DHX32: variants seen among roughly 807,000 people sequenced by gnomAD.
DHX32 encodes putative pre-mRNA-splicing factor ATP-dependent RNA helicase DHX32.
Under a neutral mutation model 70.0 loss-of-function variants are expected in DHX32, and 51 were observed. The ratio of observed to expected loss-of-function variants is 0.73; its 90% confidence interval spans 0.58 to 0.92. The LOEUF (loss-of-function observed/expected upper bound fraction) is 0.92, where lower values mean the gene tolerates loss of function less well. Among genes scored for constraint, DHX32 ranks in the 40% least tolerant of loss-of-function variants. The probability of loss-of-function intolerance (pLI) is 0.00; values close to 1 mark genes in which losing one functional copy is unlikely to be tolerated. For synonymous variants in DHX32, 310 were observed against 315.3 expected (o/e 0.98, Z 0.18); for missense variants, 762 against 891.8 (o/e 0.85, Z 1.85).
rs1854788686 is a variant in DHX32 at position 125,839,040 on chromosome 10, T to C, written c.1842A>G (p.Leu614=). The change falls in exon 9 of 11, where the codon CTA becomes CTG. Residue 614 remains leucine (L), a synonymous_variant. Transcript: ENST00000284690. Reference sequence around the variant, plus strand: ...CGGACAGAAGAGCTTTCTTTATGTTTAGAGTGTTTTCCTTGGAGCCAAAAG... The same window carrying C: ...CGGACAGAAGAGCTTTCTTTATGTTCAGAGTGTTTTCCTTGGAGCCAAAAG... The part of the protein sequence containing the change: ...EPAFGSKENT[L]NIKKALLSGY... 6.2e-7 allele frequency: 1 copy of C among 1,614,060 alleles called. No individual in the cohort carries two copies. The highest frequency in any genetic ancestry group is 8.5e-7 in the Non-Finnish European group (1 of 1,180,026).
chr10:125,895,053 T>A (rs1944434993), intron 1 of DHX32, among the ~76,000 whole-genome samples: 1 of 152,304 alleles, frequency 6.6e-6, no homozygotes, highest in Non-Finnish European at 1.5e-5. Flanking sequence ...TATATCACGC[T>A]GCTTGTCAAT....
chr10:125,895,951 G>A (rs1253517268), intron 1 of DHX32, among the ~76,000 whole-genome samples: 1 of 152,210 alleles, frequency 6.6e-6, no homozygotes, highest in African/African-American at 2.4e-5. Flanking sequence ...CCCCAGGCCC[G>A]GCCCATGCCC....
At chr10:125,838,077 A>T in intron 10 of DHX32, 129 bp downstream of exon 10, 1 of 804,588 alleles carries the variant, frequency 1.2e-6, no homozygotes, top group Non-Finnish European at 1.9e-6. Flanking sequence ...CTTAGTAGGT[A>T]CTGTCAACGT....
At position 125,879,015 on chromosome 10, in the gene DHX32, G is replaced by GTT. The variant is rs35025096; in HGVS notation, c.282+1526_282+1527dup. Among the ~76,000 whole-genome samples the GTT allele has an allele frequency of 2.5e-3, 139 of 56,672 alleles. 3 individuals carry two copies. Among genetic ancestry groups the GTT allele is most frequent in the African/African-American group, 7.2e-3 (101 of 13,982 alleles). The allele number at this position is 56,672 out of a possible 152,430, so 37.2% of individuals were successfully genotyped here. ...GAGCCACAGCGCCCAGCCTTTTCTT[G>GTT]TTTTTTTTTTTTTTTTTTTTTTTTT... On this transcript the variant is annotated intron_variant, in intron 1 of 10. Transcript: ENST00000284690.
At chr10:125,855,145 C>T (rs1009422729) in intron 3 of DHX32, among the ~76,000 whole-genome samples, 1 of 151,628 alleles carries the variant, frequency 6.6e-6, no homozygotes, top group African/African-American at 2.4e-5. Context: ...TCACTTGAAC[C>T]CGGGAGACAG....
intron 7 of DHX32, chr10:125,841,444 G>A (rs993326542): frequency 7.7e-6 from 12 of 1,552,512 alleles, no homozygotes; most frequent in Non-Finnish European, 1.0e-5. Context: ...AACACCTCTA[G>A]TGACACATTT....
Position 125,840,831 on chromosome 10 carries a change from C to A in DHX32, c.1693+16G>T. ...GGAAGGTGGAATTAATAGGTAGTTT[C>A]TGAGCATTCACTTACACTCACTGCT... On this transcript the variant is annotated intron_variant, in intron 8 of 10. Coordinates refer to ENST00000284690, the MANE Select transcript of DHX32 (RefSeq NM_018180.3). 1 of 1,558,564 alleles carries A rather than the reference C, an allele frequency of 6.4e-7. No individual in the cohort carries two copies. The highest frequency in any genetic ancestry group is 8.7e-7 in the Non-Finnish European group (1 of 1,147,424).
In DHX32 at chr10:125,866,932, T is replaced by C; in HGVS notation, c.476+58A>G. 6.5e-7 allele frequency: 1 copy of C among 1,540,298 alleles called. No homozygotes were observed. On this transcript the variant is annotated intron_variant, in intron 2 of 10. Coordinates refer to ENST00000284690, the MANE Select transcript of DHX32 (RefSeq NM_018180.3). This position sits in a 1 kb window ranked among gnomAD's most constrained non-coding sequence, Gnocchi z 4.8. ...ATGCCAGAATAATGCTCCTTCAGAA[T>C]TGTAGAACCTAAGCCAAGAATCATC...
intron 3 of DHX32, among the ~76,000 whole-genome samples, chr10:125,859,045 G>GTTTTT (rs71029270): frequency 7.1e-6 from 1 of 141,718 alleles, no homozygotes; most frequent in Admixed American, 7.2e-5. Context: ...TTGTTTGTTT[G>GTTTTT]TTTTTTTTTT....
At chr10:125,850,149 A>T (rs1326936304) in intron 6 of DHX32, among the ~76,000 whole-genome samples, 1 of 151,378 alleles carries the variant, frequency 6.6e-6, no homozygotes, top group Non-Finnish European at 1.5e-5. Flanking sequence ...AAAAAAAAAA[A>T]AAAAATTTGT....
intron 1 of DHX32, among the ~76,000 whole-genome samples, chr10:125,876,647 C>T (rs556075575): frequency 2.0e-5 from 3 of 152,284 alleles, no homozygotes; most frequent in Non-Finnish European, 2.9e-5. Context: ...CCTAAGGAAA[C>T]ATCAGACATG....
chr10:125,868,828 C>T (rs973488931), intron 1 of DHX32, among the ~76,000 whole-genome samples: 7 of 152,092 alleles, frequency 4.6e-5, no homozygotes, highest in African/African-American at 1.7e-4. Flanking sequence ...ACTCTGGTGT[C>T]GTTTTCTCCA....
chr10:125,895,803 T>C (rs954245627), intron 1 of DHX32, among the ~76,000 whole-genome samples: 1 of 152,084 alleles, frequency 6.6e-6, no homozygotes, highest in African/African-American at 2.4e-5. Context: ...GACACGGGGA[T>C]GACGGGGCAA....
chr10:125,853,856 T>C (rs1226751743), intron 4 of DHX32, 105 bp downstream of exon 4: 6 of 1,401,668 alleles, frequency 4.3e-6, no homozygotes, highest in Non-Finnish European at 4.8e-6. Context: ...AATCCCCAGG[T>C]CACATAGTTC....
intron 1 of DHX32, among the ~76,000 whole-genome samples, chr10:125,878,207 C>T (rs1354537013): frequency 6.6e-6 from 1 of 152,150 alleles, no homozygotes; most frequent in Non-Finnish European, 1.5e-5. Context: ...AAATATGCCT[C>T]CTTTGCACAT....
At chr10:125,841,516 A>G (rs1854880094) in intron 7 of DHX32, 7 of 1,435,154 alleles carry the variant, frequency 4.9e-6, no homozygotes, top group South Asian at 1.6e-5. Context: ...CATCTGATGT[A>G]TAAATTTGCT....
intron 4 of DHX32, 50 bp from the exon 5 acceptor site, chr10:125,852,692 T>A (rs1007104520): frequency 6.6e-7 from 1 of 1,504,330 alleles, no homozygotes; most frequent in Non-Finnish European, 9.0e-7. Context: ...CATGATTCAG[T>A]AGGCTCACTG....
intron 1 of DHX32, among the ~76,000 whole-genome samples, chr10:125,889,123 T>C (rs548066118): frequency 2.6e-5 from 4 of 152,332 alleles, no homozygotes; most frequent in South Asian, 2.1e-4. Context: ...TCCGTCTATA[T>C]TGAAATCTTT....
At chr10:125,893,653 C>T (rs10901462) in intron 1 of DHX32, among the ~76,000 whole-genome samples, 56,398 of 151,212 alleles carry the variant, frequency 0.37, 10,755 homozygotes, top group Non-Finnish European at 0.44. Context: ...AGGAAAACAC[C>T]AAAAATAGAA....
Sources: gnomAD v4.1 joint callset for allele counts (sites outside exome capture counted in the v4.1 genomes callset) on GRCh38, gnomAD v4.1.1 for gene constraint, Gnocchi (gnomAD v3.1) non-coding constraint, MANE v1.5 for transcripts, NCBI Gene and HGNC (gene_info 2026-07-23, HGNC 2026-07-21) for gene names.